SLC66A1: variants seen among roughly 807,000 people sequenced by gnomAD.
SLC66A1 encodes lysosomal amino acid transporter 1 homolog.
SLC66A1 carries 23 observed loss-of-function variants against 33.0 expected under a neutral mutation model. The observed-to-expected ratio is 0.70, with a 90% CI of 0.50 to 0.99. The LOEUF is 0.99. Ranked by LOEUF, SLC66A1 falls within the 50% of genes least tolerant of loss-of-function variation. The probability of loss-of-function intolerance (pLI) is 0.00; values close to 1 mark genes in which losing one functional copy is unlikely to be tolerated. For synonymous variants in SLC66A1, 164 were observed against 175.5 expected, an observed-to-expected ratio of 0.93 and a Z score of 0.52; for missense variants, 335 against 383.6, an observed-to-expected ratio of 0.87 and a Z score of 1.06.
At position 19,326,522 on chromosome 1, in the gene SLC66A1, G is replaced by A; in HGVS notation, c.526-9G>A. The A allele has an allele frequency of 6.2e-7, 1 of 1,614,186 alleles. No individual in the cohort carries two copies. Among genetic ancestry groups the A allele is most frequent in the Non-Finnish European group, 8.5e-7 (1 of 1,180,018 alleles). On this transcript the variant is annotated splice_polypyrimidine_tract_variant and intron_variant, in intron 5 of 7. Coordinates refer to ENST00000375153, the MANE Select transcript of SLC66A1 (RefSeq NM_001040125.2). ...TACGAGACACCAAGTGCCCCCTTCTGCCCCACAGCCCTTCACCCGGCAGGA... is the reference window on the plus strand; with the variant it reads ...TACGAGACACCAAGTGCCCCCTTCTACCCCACAGCCCTTCACCCGGCAGGA...
intron 7 of SLC66A1, chr1:19,327,943 T>G: frequency 3.8e-6 from 1 of 262,848 alleles, no homozygotes; most frequent in Non-Finnish European, 7.6e-6. Context: ...TCCTGGCTCC[T>G]CCCCTGCTTC....
intron 3 of SLC66A1, 125 bp from the exon 4 acceptor site, chr1:19,325,370 A>C: frequency 1.5e-6 from 1 of 659,314 alleles, no homozygotes; most frequent in Non-Finnish European, 2.7e-6. Flanking sequence ...ATAAGGAAAC[A>C]GAAGCTCAGA....
At chr1:19,326,047 G>A (rs774505684) in intron 4 of SLC66A1, among the ~76,000 whole-genome samples, 198 bp from the exon 5 acceptor site, 5 of 152,212 alleles carry the variant, frequency 3.3e-5, no homozygotes, top group African/African-American at 4.8e-5. Context: ...TGCCCTCAGC[G>A]TTTCACCTTT....
At chr1:19,332,694 CAT>C (rs1470874008), downstream of SLC66A1, among the ~76,000 whole-genome samples, 1 of 152,232 alleles carries the variant, frequency 6.6e-6, no homozygotes, top group Non-Finnish European at 1.5e-5. Flanking sequence ...GGTGGGCAAA[CAT>C]GTTACCAAGT....
chr1:19,313,351 C>A, intron 1 of SLC66A1: 2 of 634,652 alleles, frequency 3.2e-6, no homozygotes, highest in Non-Finnish European at 3.9e-6. Flanking sequence ...CTCTTCTTCA[C>A]TCTGTCCTTC....
intron 1 of SLC66A1, among the ~76,000 whole-genome samples, chr1:19,313,471 C>A (rs1044730010): frequency 6.6e-6 from 1 of 152,174 alleles, no homozygotes; most frequent in Non-Finnish European, 1.5e-5. Flanking sequence ...GAGTACGTTT[C>A]AAAGACAGTG....
intron 1 of SLC66A1, chr1:19,313,257 C>G (rs1347897480): frequency 2.0e-6 from 2 of 985,228 alleles, no homozygotes; most frequent in Non-Finnish European, 2.4e-6. Flanking sequence ...CTGGGCTGTT[C>G]GAGCTCACAG....
chr1:19,334,262 G>C (rs1298486757), downstream of SLC66A1, among the ~76,000 whole-genome samples: 1 of 152,114 alleles, frequency 6.6e-6, no homozygotes, highest in Non-Finnish European at 1.5e-5. Context: ...CAACCCTCAG[G>C]GAGCCCTCAG....
intron 7 of SLC66A1, chr1:19,327,633 C>T (rs761942457): frequency 2.1e-5 from 15 of 713,594 alleles, no homozygotes; most frequent in South Asian, 1.8e-4. Flanking sequence ...TGAGCAAGAA[C>T]AGCCATGAGT....
chr1:19,320,213 T>A (rs934385705), intron 2 of SLC66A1, among the ~76,000 whole-genome samples: 7 of 151,482 alleles, frequency 4.6e-5, no homozygotes, highest in African/African-American at 1.7e-4. Context: ...CAGGTATGAG[T>A]TTTTGTGGGG....
At chr1:19,322,012 A>G (rs1275219389) in intron 2 of SLC66A1, among the ~76,000 whole-genome samples, 1 of 152,204 alleles carries the variant, frequency 6.6e-6, no homozygotes, top group Non-Finnish European at 1.5e-5. Context: ...CTAAACAGAC[A>G]CTGTCCTTGC....
At chr1:19,320,539 G>T (rs547499144) in intron 2 of SLC66A1, among the ~76,000 whole-genome samples, 1 of 149,164 alleles carries the variant, frequency 6.7e-6, no homozygotes, top group South Asian at 2.2e-4. Context: ...TCAGCCTCCC[G>T]AGTAGCTGGG....
chr1:19,330,312 G>A (rs559671433), downstream of SLC66A1, among the ~76,000 whole-genome samples: 14 of 152,266 alleles, frequency 9.2e-5, no homozygotes, highest in African/African-American at 2.2e-4. Context: ...GAGACGCTGC[G>A]TCCCAGAGTG....
chr1:19,332,303 A>G (rs2093894777), downstream of SLC66A1, among the ~76,000 whole-genome samples: 1 of 152,154 alleles, frequency 6.6e-6, no homozygotes, highest in African/African-American at 2.4e-5. Flanking sequence ...TCTTCATCCC[A>G]TGAGACCAAC....
chr1:19,326,095 C>T lies in SLC66A1; in HGVS notation c.383-150C>T, dbSNP rs530036167. On this transcript the variant is annotated intron_variant, in intron 4 of 7. Coordinates refer to ENST00000375153, the MANE Select transcript of SLC66A1 (RefSeq NM_001040125.2). ...GAAGGGTACTGTTGTTGTACCCATTCGACAGATGAAGAATGAAAGCTCAGA... is the reference window on the plus strand; with the variant it reads ...GAAGGGTACTGTTGTTGTACCCATTTGACAGATGAAGAATGAAAGCTCAGA... 3.8e-4 allele frequency: 268 copies of T among 706,326 alleles called. 2 individuals are homozygous for T. The South Asian group carries it at 3.8e-3, about 10-fold the overall frequency. The allele number at this position is 706,326 out of a possible 1,614,324, so 43.8% of individuals were successfully genotyped here. A position where few individuals can be genotyped will look rare whatever the true frequency, so the allele number is the denominator to read the frequency against.
At position 19,328,989 on chromosome 1, in the gene SLC66A1, G is replaced by A. The variant is rs2152018815; in HGVS notation, c.*346G>A. The A allele has an allele frequency of 2.9e-6, 1 of 348,940 alleles. No homozygotes were observed. The highest frequency in any genetic ancestry group is 6.4e-5 in the East Asian group (1 of 15,554). The allele number at this position is 348,940 out of a possible 1,614,324, so 21.6% of individuals were successfully genotyped here. ...CTGAATAAACAGGCCGGGTACAGTGGCTCGCACCTGTAATCCTAGCACTTT... is the reference window on the plus strand; with the variant it reads ...CTGAATAAACAGGCCGGGTACAGTGACTCGCACCTGTAATCCTAGCACTTT... On this transcript the variant is annotated 3_prime_UTR_variant, in exon 8 of 8. Transcript: ENST00000375153. This position sits in a 1 kb window ranked among gnomAD's most constrained non-coding sequence, Gnocchi z 4.7.
downstream of SLC66A1, among the ~76,000 whole-genome samples, chr1:19,332,235 G>A (rs1457555998): frequency 6.6e-6 from 1 of 152,192 alleles, no homozygotes; most frequent in East Asian, 1.9e-4. Context: ...TGCACACTGA[G>A]CTCCAAGTGT....
downstream of SLC66A1, among the ~76,000 whole-genome samples, chr1:19,331,442 G>A (rs1283614231): frequency 1.3e-5 from 2 of 152,146 alleles, no homozygotes; most frequent in African/African-American, 4.8e-5. Context: ...CCTGGCCAAC[G>A]CTGGCGGCCC....
At chr1:19,331,351 C>T (rs1351863348), downstream of SLC66A1, among the ~76,000 whole-genome samples, 1 of 152,122 alleles carries the variant, frequency 6.6e-6, no homozygotes, top group Non-Finnish European at 1.5e-5. Context: ...GATGGGAGAA[C>T]AGTCTCAGCA....
Sources: gnomAD v4.1 joint callset for allele counts (sites outside exome capture counted in the v4.1 genomes callset) on GRCh38, gnomAD v4.1.1 for gene constraint, Gnocchi (gnomAD v3.1) non-coding constraint, MANE v1.5 for transcripts, NCBI Gene and HGNC (gene_info 2026-07-23, HGNC 2026-07-21) for gene names.